CAMK1D: variants seen among roughly 807,000 people sequenced by gnomAD.
CAMK1D encodes calcium/calmodulin-dependent protein kinase type 1D.
A neutral mutation model predicts 47.7 loss-of-function variants in CAMK1D; 9 were observed. The ratio of observed to expected loss-of-function variants is 0.19; its 90% CI spans 0.11 to 0.33. The LOEUF (loss-of-function observed/expected upper bound fraction) is 0.33, where lower values mean the gene tolerates loss of function less well. Among genes scored for constraint, CAMK1D ranks in the 10% least tolerant of loss-of-function variants. CAMK1D has a pLI of 1.00. For missense variants in CAMK1D, 291 were observed against 488.7 expected (o/e 0.60, Z 3.81); for synonymous variants, 184 against 184.9 (o/e 0.99, Z 0.04).
intron 2 of CAMK1D, among the ~76,000 whole-genome samples, chr10:12,621,022 C>A (rs1838981129): frequency 1.3e-5 from 2 of 152,168 alleles, no homozygotes; most frequent in Non-Finnish European, 2.9e-5. Context: ...CCCAGTTGTT[C>A]CAGCACCATG....
chr10:12,726,509 A>G (rs922816522), intron 3 of CAMK1D, among the ~76,000 whole-genome samples: 2 of 152,232 alleles, frequency 1.3e-5, no homozygotes, highest in African/African-American at 4.8e-5. Flanking sequence ...GTCAACTTTA[A>G]TTAGACCTAG....
chr10:12,456,507 G>T (rs192367011), intron 1 of CAMK1D: 2 of 152,106 alleles, frequency 1.3e-5, no homozygotes, highest in African/African-American at 4.8e-5. Flanking sequence ...TAAAGAAATA[G>T]GTTAACAGTC....
chr10:12,773,879 A>G (rs1350877867), intron 5 of CAMK1D, among the ~76,000 whole-genome samples: 1 of 152,186 alleles, frequency 6.6e-6, no homozygotes, highest in Non-Finnish European at 1.5e-5. Context: ...AGCCTGGGCA[A>G]TAGAGTGAGA....
At chr10:12,727,897 C>T (rs1834724313) in intron 3 of CAMK1D, among the ~76,000 whole-genome samples, 1 of 151,960 alleles carries the variant, frequency 6.6e-6, no homozygotes, top group South Asian at 2.1e-4. Flanking sequence ...TCCTGAGTAG[C>T]TGGGAGTACA....
chr10:12,552,844 C>A (rs112462269), intron 1 of CAMK1D, among the ~76,000 whole-genome samples: 2,662 of 152,296 alleles, frequency 0.017, 59 homozygotes, highest in East Asian at 0.065. Context: ...CAAGCTCAAG[C>A]GATTCTCCTG....
intron 1 of CAMK1D, among the ~76,000 whole-genome samples, chr10:12,372,653 CTG>C (rs1481628563): frequency 3.3e-5 from 5 of 152,194 alleles, no homozygotes; most frequent in Non-Finnish European, 5.9e-5. Flanking sequence ...GGGTCTCACT[CTG>C]TCATTCAGGC....
chr10:12,787,358 A>T (rs1837772068), intron 5 of CAMK1D, among the ~76,000 whole-genome samples: 1 of 152,130 alleles, frequency 6.6e-6, no homozygotes, highest in Non-Finnish European at 1.5e-5. Context: ...TGAGCAATGG[A>T]TGGTGGCCAG....
rs150400346 is a variant in CAMK1D at position 12,772,809 on chromosome 10, C to T, written c.565+3010C>T. 6.1e-4 allele frequency among the ~76,000 whole-genome samples: 93 copies of T among 152,244 alleles called. No homozygotes were observed. In the East Asian group the frequency reaches 8.9e-3, roughly 15 times the overall value. On this transcript the variant is annotated intron_variant, in intron 5 of 10. Coordinates refer to ENST00000619168, the MANE Select transcript of CAMK1D (RefSeq NM_153498.4). ...CTTCTATTGGTTTGTGTTGACTGAG[C>T]GCTGAAACTCCACCAAGAGTGCCCC...
chr10:12,736,657 TG>T (rs1554818779), intron 3 of CAMK1D, among the ~76,000 whole-genome samples: 1 of 152,242 alleles, frequency 6.6e-6, no homozygotes, highest in Non-Finnish European at 1.5e-5. Flanking sequence ...ATGCATTTAC[TG>T]GGATATGTTG....
chr10:12,575,584 T>C (rs1390990750), intron 2 of CAMK1D, among the ~76,000 whole-genome samples: 1 of 152,168 alleles, frequency 6.6e-6, no homozygotes, highest in East Asian at 1.9e-4. Flanking sequence ...AGATGGTCCA[T>C]TGGGATGCAG....
intron 1 of CAMK1D, among the ~76,000 whole-genome samples, chr10:12,418,257 G>A (rs1057185908): frequency 3.3e-5 from 5 of 152,208 alleles, no homozygotes; most frequent in African/African-American, 1.2e-4. Flanking sequence ...ACATATGATT[G>A]CAACGCGGCC....
At chr10:12,719,164 TGGGAGGCTGAGGC>T (rs1439580182) in intron 3 of CAMK1D, among the ~76,000 whole-genome samples, 1 of 152,136 alleles carries the variant, frequency 6.6e-6, no homozygotes, top group Non-Finnish European at 1.5e-5. Flanking sequence ...CCCAGCACTT[TGGGAGGCTGAGGC>T]GGGTGGATCA....
At chr10:12,687,718 G>A (rs1177716710) in intron 3 of CAMK1D, among the ~76,000 whole-genome samples, 3 of 152,234 alleles carry the variant, frequency 2.0e-5, no homozygotes, top group African/African-American at 7.2e-5. Flanking sequence ...TGAAAGCAAA[G>A]CCAGATCTCT....
chr10:12,663,210 C>T (rs184996253), intron 2 of CAMK1D, among the ~76,000 whole-genome samples: 2 of 152,004 alleles, frequency 1.3e-5, no homozygotes, highest in East Asian at 1.9e-4. Flanking sequence ...ACCTGCCCAC[C>T]TCGGCCTCCC....
At position 12,388,097 on chromosome 10, in the gene CAMK1D, G is replaced by A. The variant is rs554904149; in HGVS notation, c.92+38187G>A. 3.3e-5 allele frequency among the ~76,000 whole-genome samples: 5 copies of A among 152,112 alleles called. No individual in the cohort carries two copies. The South Asian group carries it at 1.0e-3, about 32-fold the overall frequency. ...TGAGGTGACTCTCAGGAGGCTTCTGGGATCGTCTCCAGAAATGCGCTCACC... is the reference window on the plus strand; with the variant it reads ...TGAGGTGACTCTCAGGAGGCTTCTGAGATCGTCTCCAGAAATGCGCTCACC... On this transcript the variant is annotated intron_variant, in intron 1 of 10. Coordinates refer to ENST00000619168, the MANE Select transcript of CAMK1D (RefSeq NM_153498.4).
At chr10:12,473,009 G>A (rs1276684769) in intron 1 of CAMK1D, among the ~76,000 whole-genome samples, 1 of 152,172 alleles carries the variant, frequency 6.6e-6, no homozygotes, top group African/African-American at 2.4e-5. Context: ...GAAACACAGA[G>A]GAAAGTGAGC....
intron 6 of CAMK1D, among the ~76,000 whole-genome samples, chr10:12,799,200 C>G (rs2131025978): frequency 6.6e-6 from 1 of 152,312 alleles, no homozygotes; most frequent in East Asian, 1.9e-4. Flanking sequence ...TGCCACCTTC[C>G]CGCTTTTGGT....
rs113615260 is a variant in CAMK1D, at chr10:12,745,411, G to GCA, written c.300-15525_300-15524dup. Among the ~76,000 whole-genome samples, 103 of 151,584 alleles carry GCA rather than the reference G, an allele frequency of 6.8e-4. 2 individuals are homozygous for GCA. The highest frequency in any genetic ancestry group is 1.9e-3 in the African/African-American group (80 of 41,362). On this transcript the variant is annotated intron_variant, in intron 3 of 10. Coordinates refer to ENST00000619168, the MANE Select transcript of CAMK1D (RefSeq NM_153498.4). ...AACATAAACACATGCGTGTGCGCAC[G>GCA]CACACACACACACGCTAGAATACTA...
chr10:12,595,342 G>GGAAAAAAAAAAAAAAAA (rs1554794318), intron 2 of CAMK1D, among the ~76,000 whole-genome samples: 6 of 23,556 alleles, frequency 2.5e-4, no homozygotes, highest in African/African-American at 9.0e-4. Flanking sequence ...AACTCCATCT[G>GGAAAAAAAAAAAAAAAA]AAAAAAAAAA....
Sources: allele counts gnomAD v4.1 joint callset (sites outside exome capture counted in the v4.1 genomes callset), GRCh38; gene constraint gnomAD v4.1.1; transcripts MANE v1.5; gene names NCBI Gene and HGNC (gene_info 2026-07-23, HGNC 2026-07-21).